The following TULP4 variants were observed in gnomAD, a reference collection of about 807,000 sequenced individuals.
TULP4 encodes tubby-related protein 4.
A neutral mutation model predicts 129.0 loss-of-function variants in TULP4; 16 were observed. That is an observed-to-expected ratio of 0.12 (90% CI 0.08 to 0.19). The LOEUF (loss-of-function observed/expected upper bound fraction) is 0.19, where lower values mean the gene tolerates loss of function less well. Among genes scored for constraint, TULP4 ranks in the 10% least tolerant of loss-of-function variants. The pLI is 1.00. For synonymous variants in TULP4, 998 were observed against 854.0 expected (o/e 1.17, Z -2.94); for missense variants, 1,842 against 2,059.1 (o/e 0.89, Z 2.04).
At chr6:158,241,121 A>C (rs551012789) in intron 1 of TULP4, among the ~76,000 whole-genome samples, 1,806 of 127,918 alleles carry the variant, frequency 0.014, 51 homozygotes, top group African/African-American at 0.048. Flanking sequence ...GCGGCGGGGC[A>C]GAGGCGCTCC....
At chr6:158,250,251 G>A (rs935509088) in intron 1 of TULP4, among the ~76,000 whole-genome samples, 2 of 151,534 alleles carry the variant, frequency 1.3e-5, no homozygotes, top group African/African-American at 2.4e-5. Flanking sequence ...TCCGCCTCCC[G>A]AGTTCAAGCG....
intron 1 of TULP4, among the ~76,000 whole-genome samples, chr6:158,398,254 T>C (rs1777761855): frequency 6.6e-6 from 1 of 152,180 alleles, no homozygotes; most frequent in African/African-American, 2.4e-5. Flanking sequence ...GGCTGATACT[T>C]TTGGAACCCA....
At chr6:158,276,299 CTTCT>C (rs578209590) in intron 1 of TULP4, among the ~76,000 whole-genome samples, 4 of 140,214 alleles carry the variant, frequency 2.9e-5, no homozygotes, top group Admixed American at 7.8e-5. Context: ...CTTCTTTCTT[CTTCT>C]TTCTTTTTTT....
intron 2 of TULP4, among the ~76,000 whole-genome samples, chr6:158,421,801 AGT>A (rs966599142): frequency 3.9e-5 from 6 of 152,204 alleles, no homozygotes; most frequent in Non-Finnish European, 8.8e-5. Flanking sequence ...GTTACGCCAG[AGT>A]GAGGTTGGAA....
chr6:158,381,272 G>T (rs572796475), intron 1 of TULP4, among the ~76,000 whole-genome samples: 3 of 151,670 alleles, frequency 2.0e-5, no homozygotes, highest in Non-Finnish European at 4.4e-5. Context: ...TCATCTGAGC[G>T]TCTGTTCTTG....
intron 11 of TULP4, among the ~76,000 whole-genome samples, chr6:158,495,375 G>T (rs551586764): frequency 1.3e-5 from 2 of 152,148 alleles, no homozygotes; most frequent in East Asian, 3.9e-4. Context: ...TTCATTTTTT[G>T]CTATAAGCCC....
chr6:158,419,222 C>T (rs183501705), intron 2 of TULP4, among the ~76,000 whole-genome samples: 1 of 152,314 alleles, frequency 6.6e-6, no homozygotes, highest in East Asian at 1.9e-4. Flanking sequence ...TTGCTGATAA[C>T]ACAACATAAA....
intron 6 of TULP4, among the ~76,000 whole-genome samples, chr6:158,473,563 G>A (rs188191316): frequency 2.1e-3 from 321 of 152,308 alleles, no homozygotes; most frequent in African/African-American, 7.4e-3. Flanking sequence ...TCGTTGCTTA[G>A]GCTGGTGTGC....
intron 1 of TULP4, among the ~76,000 whole-genome samples, chr6:158,383,093 C>CAG: frequency 6.6e-6 from 1 of 152,306 alleles, no homozygotes; most frequent in African/African-American, 2.4e-5. Flanking sequence ...GAACCTGGCA[C>CAG]CAGAATGCAA....
chr6:158,398,118 A>G (rs1380382991), intron 1 of TULP4: 1 of 152,254 alleles, frequency 6.6e-6, no homozygotes. Context: ...GGACAGCACC[A>G]TAAAACAATA....
At chr6:158,273,486 T>C (rs1041746453) in intron 1 of TULP4, among the ~76,000 whole-genome samples, 2 of 152,318 alleles carry the variant, frequency 1.3e-5, no homozygotes, top group Non-Finnish European at 2.9e-5. Context: ...CTCCAGTCTA[T>C]ACTTTGACTC....
At position 158,479,904 on chromosome 6, in the gene TULP4, G is replaced by A. The variant is rs559917663; in HGVS notation, c.1180G>A (p.Asp394Asn). 15 of 1,612,770 alleles carry A rather than the reference G, an allele frequency of 9.3e-6. No homozygotes were observed. The African/African-American group carries it at 1.7e-4, about 19-fold the overall frequency. The change falls in exon 7 of 14, where the codon GAC (aspartate) becomes AAC (asparagine). Residue 394 changes from aspartate to asparagine, a missense_variant. Asp to Asn is a conservative substitution (Grantham distance 23). Coordinates refer to ENST00000367097, the MANE Select transcript of TULP4 (RefSeq NM_020245.5). ...AIASTLREDK[D>N]VSKLTLPPRL... ...CGCCAGCACCTTGCGTGAGGACAAG[G>A]ACGTCAGCAAGCTGACTCTGCCCCC...
intron 1 of TULP4, among the ~76,000 whole-genome samples, chr6:158,339,700 A>C (rs1396184410): frequency 6.6e-6 from 1 of 152,218 alleles, no homozygotes; most frequent in African/African-American, 2.4e-5. Flanking sequence ...TGCGGCCCAC[A>C]GGCAGCCAAA....
At position 158,429,805 on chromosome 6, in the gene TULP4, G is replaced by A; in HGVS notation, c.451G>A (p.Val151Ile). 6 of 1,614,154 alleles carry A rather than the reference G, an allele frequency of 3.7e-6. No individual in the cohort carries two copies. Among genetic ancestry groups the A allele is most frequent in the Non-Finnish European group, 4.2e-6 (5 of 1,180,030 alleles). Residue 151 changes from valine (V) to isoleucine (I), a missense_variant, in exon 3 of 14, where the codon GTT becomes ATT. Physicochemically the swap from Val to Ile is conservative, Grantham distance 29 (BLOSUM62 3). Coordinates refer to ENST00000367097, the MANE Select transcript of TULP4 (RefSeq NM_020245.5). ...LISYRDGFVL[V>I]GSVSGQRHWS... ...TTCCTATCGAGATGGGTTTGTCCTGGTTGGGTCTGTCAGTGGACAAAGACA... is the reference window on the plus strand; with the variant it reads ...TTCCTATCGAGATGGGTTTGTCCTGATTGGGTCTGTCAGTGGACAAAGACA...
chr6:158,319,676 C>T (rs1435879384), intron 1 of TULP4, among the ~76,000 whole-genome samples: 2 of 152,166 alleles, frequency 1.3e-5, no homozygotes, highest in East Asian at 3.8e-4. Context: ...AAGTATTTAA[C>T]AAATCTTAAC....
intron 10 of TULP4, among the ~76,000 whole-genome samples, chr6:158,494,520 C>G (rs887739249): frequency 6.6e-5 from 10 of 152,148 alleles, no homozygotes; most frequent in African/African-American, 2.4e-4. Flanking sequence ...GACATACATA[C>G]TGGGACACAC....
intron 1 of TULP4, among the ~76,000 whole-genome samples, chr6:158,388,365 T>C (rs1777504065): frequency 1.5e-5 from 2 of 136,436 alleles, no homozygotes; most frequent in South Asian, 5.1e-4. Context: ...AGTCTCACTC[T>C]GTCGCCCAGG....
intron 1 of TULP4, among the ~76,000 whole-genome samples, chr6:158,232,686 C>A (rs932124434): frequency 6.6e-6 from 1 of 151,990 alleles, no homozygotes; most frequent in African/African-American, 2.4e-5. Flanking sequence ...ATTGTGGAGA[C>A]AGAAAATCCC....
chr6:158,334,771 G>C (rs1458149359), intron 1 of TULP4, among the ~76,000 whole-genome samples: 2 of 152,208 alleles, frequency 1.3e-5, no homozygotes, highest in Non-Finnish European at 2.9e-5. Context: ...AGGCCTTAAA[G>C]AGGTGATTAA....
Sources: allele counts gnomAD v4.1 joint callset (sites outside exome capture counted in the v4.1 genomes callset), GRCh38; gene constraint gnomAD v4.1.1; transcripts MANE v1.5; gene names NCBI Gene and HGNC (gene_info 2026-07-23, HGNC 2026-07-21).